The following ACVR1B variants were observed in gnomAD, a reference collection of about 807,000 sequenced individuals.
ACVR1B encodes the protein activin A receptor type 1B, also known as activin receptor type-1B.
Under a neutral mutation model 55.6 loss-of-function variants are expected in ACVR1B, and 15 were observed. The ratio of observed to expected loss-of-function variants is 0.27; its 90% confidence interval spans 0.18 to 0.42. The LOEUF (loss-of-function observed/expected upper bound fraction) is 0.42. ACVR1B is among the 10% of genes least tolerant of loss of function. ACVR1B has a pLI of 1.00. For missense variants in ACVR1B, 359 were observed against 670.1 expected (o/e 0.54, Z 5.13); for synonymous variants, 247 against 254.6 (o/e 0.97, Z 0.28).
intron 8 of ACVR1B, among the ~76,000 whole-genome samples, chr12:51,993,662 G>T (rs758522279): frequency 1.3e-5 from 2 of 150,892 alleles, no homozygotes; most frequent in Non-Finnish European, 2.9e-5. Flanking sequence ...AGCTACTGGG[G>T]AGGCTGAGAC....
intron 1 of ACVR1B, among the ~76,000 whole-genome samples, chr12:51,952,056 G>A (rs1317690462): frequency 6.6e-6 from 1 of 152,070 alleles, no homozygotes; most frequent in East Asian, 2.0e-4. Context: ...CTGGGGACCC[G>A]AGCCCTGTTC....
At chr12:51,982,440 C>T (rs1941997116) in intron 4 of ACVR1B, among the ~76,000 whole-genome samples, 1 of 152,126 alleles carries the variant, frequency 6.6e-6, no homozygotes, top group Non-Finnish European at 1.5e-5. Flanking sequence ...CTGCTTGGAC[C>T]ATCACACATA....
At chr12:51,976,729 G>A (rs902677091) in intron 3 of ACVR1B, among the ~76,000 whole-genome samples, 154 bp downstream of exon 3, 1 of 151,834 alleles carries the variant, frequency 6.6e-6, no homozygotes, top group South Asian at 2.1e-4. Context: ...GGAGTCTGAC[G>A]TGTAATAAGA....
At chr12:51,954,905 G>C (rs1198936411) in intron 1 of ACVR1B, among the ~76,000 whole-genome samples, 3 of 152,202 alleles carry the variant, frequency 2.0e-5, no homozygotes, top group Non-Finnish European at 4.4e-5. Context: ...AACATACTCT[G>C]TGATTGATAG....
intron 1 of ACVR1B, among the ~76,000 whole-genome samples, chr12:51,965,484 T>C (rs1197373570): frequency 6.6e-6 from 1 of 152,174 alleles, no homozygotes; most frequent in East Asian, 1.9e-4. Flanking sequence ...GTAAGAACTT[T>C]GATGTATTTG....
intron 4 of ACVR1B, among the ~76,000 whole-genome samples, chr12:51,982,095 G>C (rs1194327359): frequency 1.3e-5 from 2 of 152,206 alleles, no homozygotes; most frequent in African/African-American, 4.8e-5. Context: ...AGGATGACGA[G>C]TAAGGGTGAT....
intron 7 of ACVR1B, among the ~76,000 whole-genome samples, chr12:51,989,836 A>G (rs2453070): frequency 1.3e-5 from 2 of 152,080 alleles, no homozygotes; most frequent in South Asian, 4.2e-4. Flanking sequence ...ATACAAAAAA[A>G]TTGCCAGGTA....
chr12:51,990,738 T>C (rs1223540343), intron 7 of ACVR1B, among the ~76,000 whole-genome samples: 1 of 152,220 alleles, frequency 6.6e-6, no homozygotes, highest in African/African-American at 2.4e-5. Flanking sequence ...TGAATACACC[T>C]CCTACATTTC....
chr12:51,976,192 T>G, intron 2 of ACVR1B, 135 bp from the exon 3 acceptor site: 3 of 1,048,602 alleles, frequency 2.9e-6, no homozygotes, highest in East Asian at 2.6e-5. Context: ...CCCAGAAGAT[T>G]AGAGAGATCA....
At chr12:51,980,498 C>T (rs915938710) in intron 3 of ACVR1B, among the ~76,000 whole-genome samples, 5 of 152,266 alleles carry the variant, frequency 3.3e-5, no homozygotes, top group African/African-American at 9.6e-5. Context: ...ACCCATGGGC[C>T]GCACAGCACT....
At chr12:51,957,486 G>A (rs1346814991) in intron 1 of ACVR1B, among the ~76,000 whole-genome samples, 3 of 149,822 alleles carry the variant, frequency 2.0e-5, no homozygotes, top group Non-Finnish European at 4.4e-5. Flanking sequence ...GCTCACTGCA[G>A]CCTGAAACTC....
chr12:51,986,000 T>C (rs1273623671), intron 6 of ACVR1B, among the ~76,000 whole-genome samples: 1 of 152,136 alleles, frequency 6.6e-6, no homozygotes, highest in Non-Finnish European at 1.5e-5. Context: ...TCATAGTAAT[T>C]ACTCATAATT....
chr12:51,994,071 C>A lies in ACVR1B; in HGVS notation c.1479C>A (p.Thr493=). The change falls in exon 9 of 9, where the codon ACC becomes ACA. Residue 493 remains threonine (T), a synonymous_variant. Transcript: ENST00000257963. This position sits in a 1 kb window ranked among gnomAD's most constrained non-coding sequence, Gnocchi z 4.2. ...ARLTALRIKK[T]LSQLSVQEDV... ...TGACGGCCCTGCGCATCAAGAAGACCCTCTCCCAGCTCAGCGTGCAGGAAG... is the reference window on the plus strand; with the variant it reads ...TGACGGCCCTGCGCATCAAGAAGACACTCTCCCAGCTCAGCGTGCAGGAAG... 6.2e-7 allele frequency: 1 copy of A among 1,614,082 alleles called. No homozygotes were observed. The highest frequency in any genetic ancestry group is 1.1e-5 in the South Asian group (1 of 91,088).
At chr12:51,993,924 A>C in intron 8 of ACVR1B, 61 bp from the exon 9 acceptor site, 1 of 1,597,638 alleles carries the variant, frequency 6.3e-7, no homozygotes. Context: ...GTGAGAGCCT[A>C]GGGACCAGAA....
In ACVR1B at chr12:51,976,348, A is replaced by G; in HGVS notation, c.353A>G (p.His118Arg). 6.2e-7 allele frequency: 1 copy of G among 1,614,016 alleles called. No homozygotes were observed. The highest frequency in any genetic ancestry group is 8.5e-7 in the Non-Finnish European group (1 of 1,180,004). The change falls in exon 3 of 9, where the codon CAC becomes CGC. Residue 118 changes from histidine to arginine, a missense_variant. Physicochemically the swap from His to Arg is conservative, Grantham distance 29 (BLOSUM62 0). Transcript: ENST00000257963. ...VPSGHLKEPE[H>R]PSMWGPVELV... The stretch of plus-strand genomic sequence containing the variant: ...TCAGGTCACCTCAAGGAGCCTGAGC[A>G]CCCGTCCATGTGGGGCCCGGTGGAG...
intron 3 of ACVR1B, among the ~76,000 whole-genome samples, chr12:51,979,657 G>C (rs1350513459): frequency 1.3e-5 from 2 of 152,158 alleles, no homozygotes; most frequent in Non-Finnish European, 1.5e-5. Context: ...GAAGCAGGGG[G>C]ACGTCAGGCT....
In ACVR1B at chr12:51,996,711, G is replaced by C. The variant is rs1022619345; in HGVS notation, c.*2601G>C. 6.6e-6 allele frequency: 1 copy of C among 152,514 alleles called. No individual in the cohort carries two copies. The highest frequency in any genetic ancestry group is 6.6e-5 in the Admixed American group (1 of 15,264). The allele number at this position is 152,514 out of a possible 1,614,324, so 9.4% of individuals were successfully genotyped here. A position where few individuals can be genotyped will look rare whatever the true frequency, so the allele number is the denominator to read the frequency against. ...TCTGGGGAAGATGGAGCAGGTCTTT[G>C]GGAAGCTCCCACACCCACCTCTGCC... On this transcript the variant is annotated 3_prime_UTR_variant, in exon 9 of 9. Coordinates refer to ENST00000257963, the MANE Select transcript of ACVR1B (RefSeq NM_004302.5).
rs1235020873 is a variant in ACVR1B at position 51,994,786 on chromosome 12, G to C, written c.*676G>C. On this transcript the variant is annotated 3_prime_UTR_variant, in exon 9 of 9. Coordinates refer to ENST00000257963, the MANE Select transcript of ACVR1B (RefSeq NM_004302.5). This position sits in a 1 kb window ranked among gnomAD's most constrained non-coding sequence, Gnocchi z 4.2. ...TGCTTGAGCTTTCTGTGCATGTGCA[G>C]GTCGGGGGTGTGGTCGTCATGCTGT... The C allele has an allele frequency of 1.3e-5, 2 of 153,204 alleles. No individual in the cohort carries two copies. The highest frequency in any genetic ancestry group is 1.5e-5 in the Non-Finnish European group (1 of 68,482). 9.5% of individuals were successfully genotyped at this position (153,204 alleles called of 1,614,324 possible).
chr12:51,972,576 T>A (rs2120570021), intron 1 of ACVR1B, among the ~76,000 whole-genome samples: 1 of 152,266 alleles, frequency 6.6e-6, no homozygotes, highest in African/African-American at 2.4e-5. Context: ...CGCTGCACAT[T>A]AACAGCCCCA....
Sources: gnomAD v4.1 joint callset for allele counts (sites outside exome capture counted in the v4.1 genomes callset) on GRCh38, gnomAD v4.1.1 for gene constraint, Gnocchi (gnomAD v3.1) non-coding constraint, MANE v1.5 for transcripts, NCBI Gene and HGNC (gene_info 2026-07-23, HGNC 2026-07-21) for gene names.